ADGRV1: variants seen among roughly 807,000 people sequenced by gnomAD.
ADGRV1 encodes the protein adhesion G protein-coupled receptor V1, also known as G-protein coupled receptor 98.
In ADGRV1, 359 loss-of-function variants were observed where a neutral mutation model predicts 596.2. That is an observed-to-expected ratio of 0.60 (90% CI 0.55 to 0.66). The LOEUF (loss-of-function observed/expected upper bound fraction) is 0.66, where lower values mean the gene tolerates loss of function less well. Among genes scored for constraint, ADGRV1 ranks in the 30% least tolerant of loss-of-function variants. The pLI, the probability that ADGRV1 is intolerant of heterozygous loss-of-function variation, is 0.00. For missense variants in ADGRV1, 7,274 were observed against 7,575.6 expected (o/e 0.96, Z 1.48); for synonymous variants, 2,681 against 2,679.2 (o/e 1.00, Z -0.02).
intron 70 of ADGRV1, among the ~76,000 whole-genome samples, chr5:90,795,016 C>A (rs1288082303): frequency 6.6e-6 from 1 of 152,038 alleles, no homozygotes; most frequent in Non-Finnish European, 1.5e-5. Flanking sequence ...GGTGCCTACA[C>A]CACCAGGGCC....
chr5:90,811,164 A>G lies in ADGRV1; in HGVS notation c.15904A>G (p.Ile5302Val). 1.9e-6 allele frequency: 3 copies of G among 1,613,880 alleles called. No homozygotes were observed. Among genetic ancestry groups the G allele is most frequent in the Middle Eastern group, 1.6e-4 (1 of 6,062 alleles). The change falls in exon 74 of 90, where the codon ATA becomes GTA. Residue 5302 changes from isoleucine (I) to valine (V), a missense_variant. Physicochemically the swap from Ile to Val is conservative, Grantham distance 29. Around this residue, in one of 5 missense-constraint regions of ADGRV1, gnomAD observed 1,874 missense variants for 1,970.2 expected, o/e 0.95. Coordinates refer to ENST00000405460, the MANE Select transcript of ADGRV1 (RefSeq NM_032119.4). ...CTTTGAAGAACAAACTCTTACCCTT[A>G]TATTCCTAGATGGAGAAAGAGAACG... Reference protein sequence around the residue: ...EDFEEQTLTLIFLDGERERKV... With the variant: ...EDFEEQTLTLVFLDGERERKV...
intron 1 of ADGRV1, among the ~76,000 whole-genome samples, chr5:90,576,277 C>T (rs1043335050): frequency 7.3e-5 from 11 of 151,316 alleles, no homozygotes; most frequent in South Asian, 2.1e-4. Flanking sequence ...CCCCGCCCCA[C>T]GACAAGCCCC....
chr5:90,999,708 G>A (rs1459583758), intron 85 of ADGRV1, among the ~76,000 whole-genome samples: 1 of 152,006 alleles, frequency 6.6e-6, no homozygotes, highest in Admixed American at 6.6e-5. Flanking sequence ...GTATTTCAAA[G>A]ATTTCCAGTT....
intron 77 of ADGRV1, among the ~76,000 whole-genome samples, chr5:90,833,825 C>T (rs915438309): frequency 1.7e-4 from 26 of 152,214 alleles, no homozygotes; most frequent in Middle Eastern, 6.8e-3. Flanking sequence ...AATACAAGAT[C>T]ATATCATCTG....
At chr5:90,650,220 G>C (rs1768393344) in intron 17 of ADGRV1, among the ~76,000 whole-genome samples, 1 of 152,146 alleles carries the variant, frequency 6.6e-6, no homozygotes, top group Non-Finnish European at 1.5e-5. Context: ...TCTGATATTG[G>C]ATCAAAGGAT....
At chr5:91,080,879 A>AG (rs1789297252) in intron 86 of ADGRV1, among the ~76,000 whole-genome samples, 1 of 152,206 alleles carries the variant, frequency 6.6e-6, no homozygotes, top group African/African-American at 2.4e-5. Flanking sequence ...GAACCCTTTC[A>AG]ATATGTAATT....
At chr5:90,996,182 G>C (rs1390483138) in intron 85 of ADGRV1, among the ~76,000 whole-genome samples, 1 of 152,104 alleles carries the variant, frequency 6.6e-6, no homozygotes, top group Non-Finnish European at 1.5e-5. Flanking sequence ...ATGCCTCCTA[G>C]GCATTTCAGA....
chr5:90,626,047 C>G, intron 6 of ADGRV1: 1 of 152,056 alleles, frequency 6.6e-6, no homozygotes, highest in Admixed American at 6.6e-5. Context: ...GGATGTCCCC[C>G]ACATGAGCTA....
At chr5:90,731,389 A>G (rs1346080227) in intron 50 of ADGRV1, among the ~76,000 whole-genome samples, 1 of 152,194 alleles carries the variant, frequency 6.6e-6, no homozygotes, top group Non-Finnish European at 1.5e-5. Context: ...CCCTCCCCCA[A>G]CACTGAAAAT....
At chr5:90,585,214 C>T (rs959693935) in intron 1 of ADGRV1, among the ~76,000 whole-genome samples, 12 of 152,180 alleles carry the variant, frequency 7.9e-5, no homozygotes, top group Non-Finnish European at 4.4e-5. Context: ...AATTCTCTCA[C>T]TTACATTGAG....
At position 90,738,388 on chromosome 5, in the gene ADGRV1, T is replaced by G. The variant is rs1753525052; in HGVS notation, c.10550-6658T>G. Among the ~76,000 whole-genome samples the G allele has an allele frequency of 2.0e-5, 3 of 152,148 alleles. No individual in the cohort carries two copies. The South Asian group carries it at 6.2e-4, about 31-fold the overall frequency. On this transcript the variant is annotated intron_variant, in intron 50 of 89. Transcript: ENST00000405460. ...TAGAATATCCTGAACATGACTATAT[T>G]ACTTATACCATTCAGTTTTCTTTAA...
Position 90,810,917 on chromosome 5 carries a change from A to G in ADGRV1, c.15657A>G (p.Thr5219=), listed in dbSNP as rs763383890. Residue 5219 remains threonine (T), a synonymous_variant, in exon 74 of 90, where the codon ACA becomes ACG. Transcript: ENST00000405460. The part of the protein sequence containing the change: ...TVTANVSIHG[T]FSLGPSIVYI... ...CTGCCAATGTTTCCATTCATGGAAC[A>G]TTCAGCCTTGGGCCATCCATTGTTT... 1.5e-5 allele frequency: 25 copies of G among 1,613,926 alleles called. No homozygotes were observed. The highest frequency in any genetic ancestry group is 3.3e-4 in the Middle Eastern group (2 of 6,084).
intron 85 of ADGRV1, among the ~76,000 whole-genome samples, chr5:91,048,861 A>G (rs1329762463): frequency 6.6e-6 from 1 of 152,226 alleles, no homozygotes; most frequent in Non-Finnish European, 1.5e-5. Flanking sequence ...GTCGCAAAAA[A>G]GATACAGCTT....
intron 83 of ADGRV1, among the ~76,000 whole-genome samples, chr5:90,889,962 A>G (rs1387783699): frequency 6.6e-6 from 1 of 152,084 alleles, no homozygotes; most frequent in Non-Finnish European, 1.5e-5. Flanking sequence ...CAGCTGCAAA[A>G]CCTTTGCCCA....
intron 69 of ADGRV1, among the ~76,000 whole-genome samples, chr5:90,790,497 CAA>C (rs759004580): frequency 1.2e-4 from 19 of 152,036 alleles, no homozygotes; most frequent in Non-Finnish European, 2.5e-4. Context: ...TTATTAAAAA[CAA>C]ACAAAAATTC....
At chr5:90,865,831 C>T (rs929767763) in intron 83 of ADGRV1, among the ~76,000 whole-genome samples, 1 of 152,078 alleles carries the variant, frequency 6.6e-6, no homozygotes, top group Non-Finnish European at 1.5e-5. Flanking sequence ...AAGTTGGGCT[C>T]CCACCCTATC....
chr5:90,728,668 G>C lies in ADGRV1; in HGVS notation c.10162-1G>C. ...GTTTTGTATTTCAACATTTCCTTCA[G>C]GTCTTCAGGTGGAATGGAGGAAGCT... On this transcript the variant is annotated splice_acceptor_variant, in intron 48 of 89. Coordinates refer to ENST00000405460, the MANE Select transcript of ADGRV1 (RefSeq NM_032119.4). LOFTEE classifies it high-confidence loss of function. The C allele has an allele frequency of 6.2e-7, 1 of 1,603,898 alleles. No individual in the cohort carries two copies. Among genetic ancestry groups the C allele is most frequent in the Non-Finnish European group, 8.5e-7 (1 of 1,174,064 alleles).
Position 91,153,329 on chromosome 5 carries a change from G to T in ADGRV1, c.18733G>T (p.Gly6245Cys), listed in dbSNP as rs1796213634. The T allele has an allele frequency of 6.2e-7, 1 of 1,612,574 alleles. No individual in the cohort carries two copies. Among genetic ancestry groups the T allele is most frequent in the African/African-American group, 1.3e-5 (1 of 74,888 alleles). Residue 6245 changes from glycine (G) to cysteine (C), a missense_variant, in exon 89 of 90, where the codon GGC becomes TGC. Physicochemically the swap from Gly to Cys is radical, Grantham distance 159. Coordinates refer to ENST00000405460, the MANE Select transcript of ADGRV1 (RefSeq NM_032119.4). ...GATFPSSGGY[G>C]QGSLIADEES... is the part of the protein sequence containing the mutation. ...CACGTTCCCGTCCTCTGGAGGATATGGCCAGGGGTCACTGATAGCCGATGA... is the reference window on the plus strand; with the variant it reads ...CACGTTCCCGTCCTCTGGAGGATATTGCCAGGGGTCACTGATAGCCGATGA...
At chr5:90,771,253 GA>G (rs1757663542) in intron 59 of ADGRV1, among the ~76,000 whole-genome samples, 1 of 152,070 alleles carries the variant, frequency 6.6e-6, no homozygotes, top group South Asian at 2.1e-4. Flanking sequence ...TGGTTCTCTT[GA>G]GATATGGGAA....
Sources: gnomAD v4.1 joint callset for allele counts (sites outside exome capture counted in the v4.1 genomes callset) on GRCh38, gnomAD v4.1.1 for gene constraint, gnomAD v4.1.1 regional missense constraint, MANE v1.5 for transcripts, NCBI Gene and HGNC (gene_info 2026-07-23, HGNC 2026-07-21) for gene names.